The following ELP4 variants were observed in gnomAD, a reference collection of about 807,000 sequenced individuals.
ELP4 encodes the protein elongator complex protein 4.
In ELP4, 51 loss-of-function variants were observed where a neutral mutation model predicts 48.9. That is an observed-to-expected ratio of 1.04 (90% CI 0.83 to 1.32). ELP4 has a LOEUF of 1.32. Among genes scored for constraint, ELP4 ranks in the 40% most tolerant of loss-of-function variants. The pLI, the probability that ELP4 is intolerant of heterozygous loss-of-function variation, is 0.00. For missense variants in ELP4, 519 were observed against 514.6 expected (o/e 1.01, Z -0.08); for synonymous variants, 210 against 189.2 (o/e 1.11, Z -0.90).
intron 3 of ELP4, among the ~76,000 whole-genome samples, chr11:31,547,201 G>C (rs988172982): frequency 1.3e-5 from 2 of 152,134 alleles, no homozygotes; most frequent in African/African-American, 2.4e-5. Context: ...CCAGGAGCTT[G>C]TTTTTTGAAA....
At position 31,785,044 on chromosome 11, in the gene ELP4, C is replaced by G. The variant is rs1215564653; in HGVS notation, c.*1520C>G. 1 of 180,508 alleles carries G rather than the reference C, an allele frequency of 5.5e-6. No homozygotes were observed. Among genetic ancestry groups the G allele is most frequent in the Non-Finnish European group, 1.2e-5 (1 of 84,492 alleles). The allele number at this position is 180,508 out of a possible 1,614,324, so 11.2% of individuals were successfully genotyped here. ...AAAGACACAGATTCTTCCCCATTTT[C>G]TTTTCAAAATAAAGTTTCAGAATTG... On this transcript the variant is annotated 3_prime_UTR_variant, in exon 10 of 10. Coordinates refer to ENST00000640961, the MANE Select transcript of ELP4 (RefSeq NM_019040.5).
intron 9 of ELP4, among the ~76,000 whole-genome samples, chr11:31,665,974 T>A (rs1486186598): frequency 1.3e-5 from 2 of 148,442 alleles, no homozygotes; most frequent in African/African-American, 5.0e-5. Flanking sequence ...CACTTTAACA[T>A]AAAATGTTTT....
chr11:31,744,523 T>A (rs1947533616), intron 9 of ELP4, among the ~76,000 whole-genome samples: 1 of 152,130 alleles, frequency 6.6e-6, no homozygotes. Flanking sequence ...CAGCAGCACA[T>A]CAAAAAGCTT....
At chr11:31,753,597 C>T (rs1592282545) in intron 9 of ELP4, among the ~76,000 whole-genome samples, 1 of 152,158 alleles carries the variant, frequency 6.6e-6, no homozygotes, top group East Asian at 1.9e-4. Context: ...AATATGGATA[C>T]CGTGGATGTT....
At chr11:31,548,083 G>A (rs1195575436) in intron 3 of ELP4, among the ~76,000 whole-genome samples, 3 of 152,130 alleles carry the variant, frequency 2.0e-5, no homozygotes, top group African/African-American at 7.2e-5. Flanking sequence ...GCACAAGACA[G>A]GGATGCCCTC....
chr11:31,565,492 T>A (rs1228787584), intron 3 of ELP4, among the ~76,000 whole-genome samples: 1 of 147,868 alleles, frequency 6.8e-6, no homozygotes, highest in Non-Finnish European at 1.5e-5. Flanking sequence ...TCTTCTAGGG[T>A]TTTTATGGTT....
At chr11:31,695,031 G>A (rs562602617) in intron 9 of ELP4, among the ~76,000 whole-genome samples, 21 of 152,258 alleles carry the variant, frequency 1.4e-4, no homozygotes, top group African/African-American at 5.1e-4. Context: ...TGCTGAACTT[G>A]CTTATCAGCT....
At chr11:31,584,315 C>T (rs1957438125) in intron 3 of ELP4, among the ~76,000 whole-genome samples, 2 of 151,940 alleles carry the variant, frequency 1.3e-5, no homozygotes, top group Admixed American at 1.3e-4. Flanking sequence ...ATATCAAAAT[C>T]TGGAAACCTT....
chr11:31,575,393 CA>C (rs753662267), intron 3 of ELP4, among the ~76,000 whole-genome samples: 93 of 152,218 alleles, frequency 6.1e-4, no homozygotes, highest in Non-Finnish European at 1.1e-3. Flanking sequence ...AGAACTTCCC[CA>C]ATCTAGCAAG....
chr11:31,769,069 A>G (rs1221322347), intron 9 of ELP4, among the ~76,000 whole-genome samples: 1 of 152,036 alleles, frequency 6.6e-6, no homozygotes, highest in East Asian at 1.9e-4. Flanking sequence ...AAAAACAACA[A>G]TTCCCCCTTG....
intron 9 of ELP4, among the ~76,000 whole-genome samples, chr11:31,685,226 C>G (rs1946136231): frequency 6.6e-6 from 1 of 152,094 alleles, no homozygotes; most frequent in South Asian, 2.1e-4. Flanking sequence ...TAGTGGGCGC[C>G]TGTAATCCCA....
chr11:31,604,868 T>C (rs900497401), intron 5 of ELP4, among the ~76,000 whole-genome samples: 3 of 152,098 alleles, frequency 2.0e-5, no homozygotes, highest in Middle Eastern at 3.4e-3. Flanking sequence ...GTTTTAGCAT[T>C]TATAACTACC....
chr11:31,599,510 CACACACACACACAAAA>C (rs1378409026), intron 4 of ELP4: 1 of 21,532 alleles, frequency 4.6e-5, no homozygotes, highest in African/African-American at 6.3e-5. Context: ...CACACACACA[CACACACACACACAAAA>C]AAAAAAAACC....
At chr11:31,574,852 A>G (rs540265719) in intron 3 of ELP4, among the ~76,000 whole-genome samples, 1 of 152,238 alleles carries the variant, frequency 6.6e-6, no homozygotes, top group Non-Finnish European at 1.5e-5. Context: ...AGAAAAGGTG[A>G]AAATCCTAAA....
intron 2 of ELP4, among the ~76,000 whole-genome samples, chr11:31,526,839 A>G (rs765683633): frequency 6.6e-6 from 1 of 151,996 alleles, no homozygotes. Context: ...TACTTTAACC[A>G]TACTCAAATC....
rs533022114 is a variant in ELP4 at position 31,729,805 on chromosome 11, T to C, written c.1144-53588T>C. Among the ~76,000 whole-genome samples, 249 of 152,332 alleles carry C rather than the reference T, an allele frequency of 1.6e-3. 1 individual carries two copies. Among genetic ancestry groups the C allele is most frequent in the South Asian group, 5.2e-3 (25 of 4,828 alleles). ...CTTTTTCCAAAAATGCTTGTTCTCTTCTAGCTTGTCTACGTATAATTCAGC... is the reference window on the plus strand; with the variant it reads ...CTTTTTCCAAAAATGCTTGTTCTCTCCTAGCTTGTCTACGTATAATTCAGC... On this transcript the variant is annotated intron_variant, in intron 9 of 9. Transcript: ENST00000640961.
intron 2 of ELP4, among the ~76,000 whole-genome samples, chr11:31,528,283 G>T (rs554610532): frequency 6.6e-6 from 1 of 152,174 alleles, no homozygotes; most frequent in South Asian, 2.1e-4. Flanking sequence ...TTGAAAGCCT[G>T]GGTAAAGGCA....
chr11:31,549,091 C>G (rs1956789343), intron 3 of ELP4, among the ~76,000 whole-genome samples: 1 of 151,976 alleles, frequency 6.6e-6, no homozygotes, highest in Admixed American at 6.6e-5. Flanking sequence ...GACTTCATGT[C>G]TAAAACACCA....
At chr11:31,526,299 C>G (rs1956293580) in intron 2 of ELP4, among the ~76,000 whole-genome samples, 1 of 151,970 alleles carries the variant, frequency 6.6e-6, no homozygotes, top group Non-Finnish European at 1.5e-5. Context: ...TGGGGCTGTT[C>G]CACCTTCTAT....
Sources: allele counts gnomAD v4.1 joint callset (sites outside exome capture counted in the v4.1 genomes callset), GRCh38; gene constraint gnomAD v4.1.1; transcripts MANE v1.5; gene names NCBI Gene and HGNC (gene_info 2026-07-23, HGNC 2026-07-21).